The following KIF1A variants were observed in gnomAD, a reference collection of about 807,000 sequenced individuals.
KIF1A encodes the protein kinesin-like protein KIF1A.
In KIF1A, 46 loss-of-function variants were observed where a neutral mutation model predicts 227.3. That is an observed-to-expected ratio of 0.20 (90% CI 0.16 to 0.26). The LOEUF is 0.26. Among genes scored for constraint, KIF1A ranks in the 10% least tolerant of loss-of-function variants. The pLI, the probability that KIF1A is intolerant of heterozygous loss-of-function variation, is 1.00. For missense variants in KIF1A, 1,683 were observed against 2,485.9 expected, an observed-to-expected ratio of 0.68 and a Z score of 6.87; for synonymous variants, 1,022 against 1,012.8, an observed-to-expected ratio of 1.01 and a Z score of -0.17.
intron 10 of KIF1A, among the ~76,000 whole-genome samples, chr2:240,776,771 C>T (rs1374452477): frequency 2.0e-5 from 3 of 152,238 alleles, no homozygotes; most frequent in African/African-American, 7.2e-5. Flanking sequence ...GACATGCACG[C>T]AGATGCCACC....
Position 240,760,863 on chromosome 2 carries a change from C to T in KIF1A, c.2266-20G>A, listed in dbSNP as rs141243762. Reference sequence around the variant, plus strand: ...TTGTACCTGTGACAGGGGAAGATGACCACTCGTCAGCTCCTTGGGGGACAG... The same window carrying T: ...TTGTACCTGTGACAGGGGAAGATGATCACTCGTCAGCTCCTTGGGGGACAG... On this transcript the variant is annotated intron_variant, in intron 24 of 48. Coordinates refer to ENST00000498729, the MANE Select transcript of KIF1A (RefSeq NM_001244008.2). The T allele has an allele frequency of 6.2e-3, 9,952 of 1,601,880 alleles. 271 individuals carry two copies. The highest frequency in any genetic ancestry group is 0.06 in the South Asian group (5,291 of 88,386).
intron 1 of KIF1A, among the ~76,000 whole-genome samples, chr2:240,812,963 A>ACCTTCACCTCGGGGATCAG (rs2058041629): frequency 6.7e-5 from 4 of 60,022 alleles, no homozygotes; most frequent in Non-Finnish European, 1.3e-4. Context: ...TCAAGGATCC[A>ACCTTCACCTCGGGGATCAG]CCTTCACCTC....
At position 240,735,530 on chromosome 2, in the gene KIF1A, A is replaced by AG. The variant is rs1273227419; in HGVS notation, c.4007+1532dup. Among the ~76,000 whole-genome samples, 6 of 152,206 alleles carry AG rather than the reference A, an allele frequency of 3.9e-5. No individual in the cohort carries two copies. The East Asian group carries it at 7.7e-4, about 20-fold the overall frequency. On this transcript the variant is annotated intron_variant, in intron 38 of 48. Coordinates refer to ENST00000498729, the MANE Select transcript of KIF1A (RefSeq NM_001244008.2). ...CCCACCCCAGGAGCTGCCTGGGCTG[A>AG]GGGGGGTCAGAGGTCAGGAAAATAA...
At chr2:240,770,433 G>A (rs1006754696) in intron 15 of KIF1A, among the ~76,000 whole-genome samples, 5 of 152,212 alleles carry the variant, frequency 3.3e-5, no homozygotes, top group Non-Finnish European at 7.3e-5. Context: ...GCCCTTCTCA[G>A]GGGGTATAAT....
chr2:240,727,045 A>G, intron 38 of KIF1A, 105 bp from the exon 39 acceptor site: 1 of 660,580 alleles, frequency 1.5e-6, no homozygotes, highest in South Asian at 2.2e-5. Flanking sequence ...GGCAGCCGCA[A>G]GGGAGCGGCT....
Position 240,787,322 on chromosome 2 carries a change from G to A in KIF1A, c.364-6C>T, listed in dbSNP as rs2055066541. 2 of 1,612,782 alleles carry A rather than the reference G, an allele frequency of 1.2e-6. No individual in the cohort carries two copies. The highest frequency in any genetic ancestry group is 1.1e-5 in the South Asian group (1 of 91,080). ...GAGAAGAGGTCCTCGCAGAGCTGCA[G>A]GAATGGGGGGACAGTCAGCCAGGGA... is the stretch of plus-strand genomic sequence containing the variant. On this transcript the variant is annotated splice_region_variant and splice_polypyrimidine_tract_variant and intron_variant, in intron 4 of 48. Transcript: ENST00000498729.
chr2:240,803,558 AT>A (rs1405670980), intron 1 of KIF1A, among the ~76,000 whole-genome samples: 2 of 152,176 alleles, frequency 1.3e-5, no homozygotes, highest in Non-Finnish European at 2.9e-5. Flanking sequence ...CTTTACCTTT[AT>A]TTTAGTGGCA....
chr2:240,736,220 A>G lies in KIF1A; in HGVS notation c.4007+843T>C, dbSNP rs2047306238. ...GGGAGGCCCTCAAAGACGTTTTCCT[A>G]CAAACACAGCCATGGAGACACCTGC... On this transcript the variant is annotated intron_variant, in intron 38 of 48. Coordinates refer to ENST00000498729, the MANE Select transcript of KIF1A (RefSeq NM_001244008.2). This position sits in a 1 kb window ranked among gnomAD's most constrained non-coding sequence, Gnocchi z 4.7. Among the ~76,000 whole-genome samples, 1 of 152,056 alleles carries G rather than the reference A, an allele frequency of 6.6e-6. No individual in the cohort carries two copies. Among genetic ancestry groups the G allele is most frequent in the South Asian group, 2.1e-4 (1 of 4,816 alleles).
intron 45 of KIF1A, 185 bp from the exon 46 acceptor site, chr2:240,720,111 C>A: frequency 2.0e-6 from 1 of 505,424 alleles, no homozygotes. Context: ...AGCTTGTGCC[C>A]GATTCCAGGA....
At chr2:240,800,105 GACACACACACACACAC>G (rs3220094) in intron 1 of KIF1A, among the ~76,000 whole-genome samples, 5 of 142,958 alleles carry the variant, frequency 3.5e-5, no homozygotes, top group South Asian at 2.3e-4. Flanking sequence ...GTCCAAAGCA[GACACACACACACACAC>G]ACACACACAC....
In KIF1A at chr2:240,789,067, A is replaced by G. The variant is rs956644636; in HGVS notation, c.183+169T>C. On this transcript the variant is annotated intron_variant, in intron 3 of 48. Coordinates refer to ENST00000498729, the MANE Select transcript of KIF1A (RefSeq NM_001244008.2). The surrounding 1 kb of genome is among the most constrained non-coding windows in gnomAD (Gnocchi z 4.8). ...AGGCCCCTCAGTTCCTGCAGCCTCC[A>G]TCACTGCCTTCGCTGAGGACCGCTC... Among the ~76,000 whole-genome samples, 7 of 152,322 alleles carry G rather than the reference A, an allele frequency of 4.6e-5. No homozygotes were observed. The highest frequency in any genetic ancestry group is 3.9e-4 in the East Asian group (2 of 5,180).
intron 18 of KIF1A, 46 bp downstream of exon 18, chr2:240,767,220 T>C: frequency 6.6e-7 from 1 of 1,508,102 alleles, no homozygotes; most frequent in East Asian, 2.3e-5. Context: ...CCCTGCCAGA[T>C]CCCAGGGCCT....
At chr2:240,719,224 G>C in intron 46 of KIF1A, 26 bp from the exon 47 acceptor site, 1 of 1,582,126 alleles carries the variant, frequency 6.3e-7, no homozygotes, top group Middle Eastern at 1.7e-4. Context: ...GCTGCTCGCT[G>C]GGGCCCTCGG....
intron 6 of KIF1A, among the ~76,000 whole-genome samples, chr2:240,785,696 G>A (rs1239526954): frequency 2.0e-5 from 3 of 152,204 alleles, no homozygotes; most frequent in Non-Finnish European, 2.9e-5. Context: ...TCACAATGAC[G>A]GCCAGGGTGC....
At chr2:240,754,159 C>T (rs376008887) in intron 27 of KIF1A, among the ~76,000 whole-genome samples, 52 of 152,318 alleles carry the variant, frequency 3.4e-4, no homozygotes, top group African/African-American at 1.2e-3. Context: ...GACTGTGCCC[C>T]AAAGGTGGGG....
At chr2:240,770,894 G>A in intron 15 of KIF1A, 77 bp downstream of exon 15, 6 of 1,535,086 alleles carry the variant, frequency 3.9e-6, no homozygotes, top group East Asian at 2.3e-5. Flanking sequence ...ACCCAGGAGG[G>A]CAGGGTGCCT....
At chr2:240,756,999 G>A (rs1251504430) in intron 27 of KIF1A, among the ~76,000 whole-genome samples, 4 of 152,188 alleles carry the variant, frequency 2.6e-5, no homozygotes, top group Admixed American at 6.5e-5. Flanking sequence ...GGGTTCCTAC[G>A]GCCTCTCTGC....
intron 17 of KIF1A, among the ~76,000 whole-genome samples, chr2:240,768,294 C>T (rs967462004): frequency 6.6e-6 from 1 of 152,232 alleles, no homozygotes; most frequent in African/African-American, 2.4e-5. Flanking sequence ...GTCTAGAAGA[C>T]GTGTATAGTG....
rs1217355270 is a variant in KIF1A, at chr2:240,737,048, G to A, written c.4007+15C>T. 2.5e-6 allele frequency: 4 copies of A among 1,596,476 alleles called. No homozygotes were observed. The highest frequency in any genetic ancestry group is 1.1e-5 in the South Asian group (1 of 90,684). On this transcript the variant is annotated intron_variant, in intron 38 of 48. Transcript: ENST00000498729. ...ACATGCCCTGGGCCCTGTCTCCAGG[G>A]AGTCTCCGACTCACCGGTCATCTTG...
Sources: allele counts gnomAD v4.1 joint callset (sites outside exome capture counted in the v4.1 genomes callset), GRCh38; gene constraint gnomAD v4.1.1; non-coding constraint Gnocchi (gnomAD v3.1); transcripts MANE v1.5; gene names NCBI Gene and HGNC (gene_info 2026-07-23, HGNC 2026-07-21).